The following ALDH16A1 variants were observed in gnomAD, a reference collection of about 807,000 sequenced individuals.
The protein encoded by ALDH16A1 is aldehyde dehydrogenase family 16 member A1.
A neutral mutation model predicts 96.1 loss-of-function variants in ALDH16A1; 88 were observed. That is an observed-to-expected ratio of 0.92 (90% CI 0.77 to 1.09). The LOEUF (loss-of-function observed/expected upper bound fraction) is 1.09. ALDH16A1 is among the 50% of genes least tolerant of loss of function. The pLI is 0.00. For synonymous variants in ALDH16A1, 522 were observed against 496.4 expected (o/e 1.05, Z -0.69); for missense variants, 1,250 against 1,112.6 (o/e 1.12, Z -1.76).
rs535810734 is a variant in ALDH16A1 at position 49,459,980 on chromosome 19, G to C, written c.499+132G>C. On this transcript the variant is annotated intron_variant, in intron 4 of 16. Coordinates refer to ENST00000293350, the MANE Select transcript of ALDH16A1 (RefSeq NM_153329.4). This position sits in a 1 kb window ranked among gnomAD's most constrained non-coding sequence, Gnocchi z 4.1. ...GGCCGGAGTGCAGTGGCGCAATCTT[G>C]GCTCACTATAACCTCCGCCTCCCGG... 1 of 1,147,910 alleles carries C rather than the reference G, an allele frequency of 8.7e-7. No homozygotes were observed. Among genetic ancestry groups the C allele is most frequent in the East Asian group, 3.0e-5 (1 of 33,412 alleles). The allele number at this position is 1,147,910 out of a possible 1,614,324, so 71.1% of individuals were successfully genotyped here. A position where few individuals can be genotyped will look rare whatever the true frequency, so the allele number is the denominator to read the frequency against.
intron 1 of ALDH16A1, among the ~76,000 whole-genome samples, chr19:49,455,796 C>T (rs545239041): frequency 1.3e-5 from 2 of 152,306 alleles, no homozygotes; most frequent in South Asian, 4.1e-4. Context: ...GCATTTCAGA[C>T]CCGTGGTCTT....
chr19:49,461,379 C>G (rs377321592), intron 5 of ALDH16A1, among the ~76,000 whole-genome samples: 1 of 121,310 alleles, frequency 8.2e-6, no homozygotes, highest in Non-Finnish European at 1.8e-5. Flanking sequence ...ACTCCTGGGT[C>G]TGAGGGAGGA....
rs367839824 is a variant in ALDH16A1, at chr19:49,468,347, CCCTG to C, written c.1939-31_1939-28del. On this transcript the variant is annotated intron_variant, in intron 14 of 16. Transcript: ENST00000293350. This position sits in a 1 kb window ranked among gnomAD's most constrained non-coding sequence, Gnocchi z 4.4. The stretch of plus-strand genomic sequence containing the variant: ...CTCTCATTTACTGCGGGCGGGGCTC[CCCTG>C]CCCCACACGTGACCCACCTGTCCCT... The C allele has an allele frequency of 3.0e-4, 475 of 1,589,270 alleles. 2 individuals are homozygous for C. The East Asian group carries it at 9.2e-3, about 31-fold the overall frequency.
Position 49,462,765 on chromosome 19 carries a change from G to C in ALDH16A1, c.1098+10G>C, listed in dbSNP as rs749157752. 1 of 1,560,174 alleles carries C rather than the reference G, an allele frequency of 6.4e-7. No individual in the cohort carries two copies. Among genetic ancestry groups the C allele is most frequent in the Admixed American group, 2.0e-5 (1 of 50,304 alleles). On this transcript the variant is annotated intron_variant, in intron 8 of 16. Coordinates refer to ENST00000293350, the MANE Select transcript of ALDH16A1 (RefSeq NM_153329.4). The stretch of plus-strand genomic sequence containing the variant: ...GAGCCAGGGTGCACAGGTGAGGCAG[G>C]GGGTAGAGACTTGAGGGTGTCAGGG...
chr19:49,461,082 C>A (rs1195122519), intron 5 of ALDH16A1, among the ~76,000 whole-genome samples, 183 bp downstream of exon 5: 3 of 148,768 alleles, frequency 2.0e-5, no homozygotes, highest in Non-Finnish European at 4.5e-5. Flanking sequence ...GGAGTCTGGA[C>A]TCCTGAGTCT....
At position 49,468,435 on chromosome 19, in the gene ALDH16A1, G is replaced by A. The variant is rs1454933631; in HGVS notation, c.1993G>A (p.Ala665Thr). ...CCTGCGGGAGCCGCTGGGTGTGCTGGCTGTGGTGTGTCCGGACGAGTGGCC... is the reference window on the plus strand; with the variant it reads ...CCTGCGGGAGCCGCTGGGTGTGCTGACTGTGGTGTGTCCGGACGAGTGGCC... The part of the protein sequence containing the change: ...LRLREPLGVL[A>T]VVCPDEWPLL... Residue 665 changes from alanine (A) to threonine (T), a missense_variant, in exon 15 of 17, where the codon GCT (alanine) becomes ACT (threonine). Transcript: ENST00000293350. The surrounding 1 kb of genome is among the most constrained non-coding windows in gnomAD (Gnocchi z 4.4). 2 of 1,601,286 alleles carry A rather than the reference G, an allele frequency of 1.2e-6. No individual in the cohort carries two copies. The highest frequency in any genetic ancestry group is 1.1e-5 in the South Asian group (1 of 91,026).
Position 49,462,720 on chromosome 19 carries a change from C to A in ALDH16A1, c.1063C>A (p.Arg355Ser). The A allele has an allele frequency of 6.2e-7, 1 of 1,602,046 alleles. No individual in the cohort carries two copies. Reference sequence around the variant, plus strand: ...GGCTGCCGCATGTGACCTGGTCCAGCGCTTTGTGCGTGAGGCCCAGAGCCA... The same window carrying A: ...GGCTGCCGCATGTGACCTGGTCCAGAGCTTTGTGCGTGAGGCCCAGAGCCA... ...RGAAACDLVQRFVREAQSQGA... is the reference protein window; with the variant it reads ...RGAAACDLVQSFVREAQSQGA... The change falls in exon 8 of 17, where the codon CGC becomes AGC. Residue 355 changes from arginine (R) to serine (S), a missense_variant. By Grantham distance (110) the Arg-to-Ser change is moderately radical. Coordinates refer to ENST00000293350, the MANE Select transcript of ALDH16A1 (RefSeq NM_153329.4).
At chr19:49,453,508 G>C in intron 1 of ALDH16A1, 87 bp downstream of exon 1, 1 of 1,253,798 alleles carries the variant, frequency 8.0e-7, no homozygotes, top group South Asian at 1.4e-5. Flanking sequence ...CATCCACTGC[G>C]GTAGCTCAGC....
intron 16 of ALDH16A1, 38 bp downstream of exon 16, chr19:49,469,024 A>G (rs1215478999): frequency 3.8e-6 from 6 of 1,578,498 alleles, no homozygotes; most frequent in Admixed American, 1.7e-5. Context: ...CAGCATCTCA[A>G]ACTTCAAACA....
At chr19:49,457,744 G>A (rs2079113742) in intron 1 of ALDH16A1, among the ~76,000 whole-genome samples, 1 of 151,454 alleles carries the variant, frequency 6.6e-6, no homozygotes, top group East Asian at 2.0e-4. Flanking sequence ...CAGGTAGCTG[G>A]GACTACAGGC....
At chr19:49,456,645 G>A (rs546989857) in intron 1 of ALDH16A1, among the ~76,000 whole-genome samples, 4 of 152,256 alleles carry the variant, frequency 2.6e-5, no homozygotes, top group Non-Finnish European at 4.4e-5. Flanking sequence ...CCGTCTCAGC[G>A]TGGGAAAGTG....
Position 49,466,169 on chromosome 19 carries a change from G to C in ALDH16A1, c.1824G>C (p.Ser608=), listed in dbSNP as rs1395675224. 3 of 1,559,256 alleles carry C rather than the reference G, an allele frequency of 1.9e-6. No homozygotes were observed. The highest frequency in any genetic ancestry group is 2.6e-6 in the Non-Finnish European group (3 of 1,153,694). The change falls in exon 14 of 17, where the codon TCG becomes TCC. Residue 608 remains serine, a synonymous_variant. Transcript: ENST00000293350. The part of the protein sequence containing the change: ...ALERRKSTLA[S]RLERQGAELK... Reference sequence around the variant, plus strand: ...AGCGCCGGAAGTCTACCCTGGCCTCGAGGCTGGAGAGGCAGGGAGCGGAGC... The same window carrying C: ...AGCGCCGGAAGTCTACCCTGGCCTCCAGGCTGGAGAGGCAGGGAGCGGAGC...
rs58745947 is a variant in ALDH16A1, at chr19:49,464,171, G to A, written c.1239G>A (p.Lys413=). Residue 413 remains lysine, a synonymous_variant, in exon 10 of 17, where the codon AAG becomes AAA. Transcript: ENST00000293350. ...TGGCCTCCCCCTTCCGCACAGCCAA[G>A]GAGGCACTGTTGGTGGCCAACGGGA... ...VVVASPFRTA[K]EALLVANGTP... 22 of 1,608,664 alleles carry A rather than the reference G, an allele frequency of 1.4e-5. No individual in the cohort carries two copies. Among genetic ancestry groups the A allele is most frequent in the Non-Finnish European group, 1.6e-5 (19 of 1,179,594 alleles).
chr19:49,456,333 G>A (rs2079104696), intron 1 of ALDH16A1, among the ~76,000 whole-genome samples: 1 of 152,112 alleles, frequency 6.6e-6, no homozygotes, highest in African/African-American at 2.4e-5. Context: ...GGCTCATTTT[G>A]TTACAAAACT....
intron 5 of ALDH16A1, 137 bp from the exon 6 acceptor site, chr19:49,461,467 GGGGGCCTGGACTCCT>G: frequency 9.2e-6 from 1 of 108,210 alleles, no homozygotes; most frequent in Non-Finnish European, 1.8e-5. Context: ...AGGAGGGGCT[GGGGGCCTGGACTCCT>G]GAGTCTGAGG....
At position 49,468,986 on chromosome 19, in the gene ALDH16A1, G is replaced by C; in HGVS notation, c.2247G>C (p.Gln749His). ...CCATGTGGTATTTCGGATCAGCCCA[G>C]GTGCTCTTTGTTCTGTTTTGCCATC... ...VQAMWYFGSAQGSQFVEWASA... is the reference protein window; with the variant it reads ...VQAMWYFGSAHGSQFVEWASA... The change falls in exon 16 of 17, where the codon CAG (glutamine) becomes CAC (histidine). Residue 749 changes from glutamine to histidine, a missense_variant and splice_region_variant. Coordinates refer to ENST00000293350, the MANE Select transcript of ALDH16A1 (RefSeq NM_153329.4). The surrounding 1 kb of genome is among the most constrained non-coding windows in gnomAD (Gnocchi z 4.4). The C allele has an allele frequency of 1.2e-6, 2 of 1,608,120 alleles. No homozygotes were observed. Among genetic ancestry groups the C allele is most frequent in the Non-Finnish European group, 1.7e-6 (2 of 1,176,316 alleles).
At chr19:49,461,593 G>A in intron 5 of ALDH16A1, 26 bp from the exon 6 acceptor site, 1 of 1,526,532 alleles carries the variant, frequency 6.6e-7, no homozygotes, top group Non-Finnish European at 8.8e-7. Flanking sequence ...GGACTCCTGG[G>A]CCTTTGAGCT....
Position 49,470,376 on chromosome 19 carries a change from G to C in ALDH16A1, c.2318G>C (p.Arg773Pro). The change falls in exon 17 of 17, where the codon CGG becomes CCG. Residue 773 changes from arginine to proline, a missense_variant. Physicochemically the swap from Arg to Pro is moderately radical, Grantham distance 103. Transcript: ENST00000293350. ...GTGTGGGCGAGCAGGGGCTGCCCGC[G>C]GGCCTGGGACCAGGAGGCCGAGGGG... ...KPVWASRGCP[R>P]AWDQEAEGAG... is the part of the protein sequence containing the mutation. 6.2e-7 allele frequency: 1 copy of C among 1,612,988 alleles called. No homozygotes were observed. Among genetic ancestry groups the C allele is most frequent in the South Asian group, 1.1e-5 (1 of 91,060 alleles).
At chr19:49,467,991 A>G (rs1260815483) in intron 14 of ALDH16A1, among the ~76,000 whole-genome samples, 1 of 151,126 alleles carries the variant, frequency 6.6e-6, no homozygotes, top group Non-Finnish European at 1.5e-5. Context: ...CGTCTCTACT[A>G]AATATACAAA....
Sources: allele counts gnomAD v4.1 joint callset (sites outside exome capture counted in the v4.1 genomes callset), GRCh38; gene constraint gnomAD v4.1.1; non-coding constraint Gnocchi (gnomAD v3.1); transcripts MANE v1.5; gene names NCBI Gene and HGNC (gene_info 2026-07-23, HGNC 2026-07-21).